TOMM70: variants seen among roughly 807,000 people sequenced by gnomAD.
The protein encoded by TOMM70 is translocase of outer mitochondrial membrane 70.
In TOMM70, 13 loss-of-function variants were observed where a neutral mutation model predicts 73.6. That is an observed-to-expected ratio of 0.18 (90% confidence interval 0.11 to 0.28). TOMM70 has a LOEUF of 0.28. Ranked by LOEUF, TOMM70 falls within the 10% of genes least tolerant of loss-of-function variation. TOMM70 has a pLI of 1.00. For missense variants in TOMM70, 609 were observed against 747.5 expected (o/e 0.81, Z 2.16); for synonymous variants, 257 against 271.2 (o/e 0.95, Z 0.51).
chr3:100,384,822 G>T (rs535230033), intron 3 of TOMM70, among the ~76,000 whole-genome samples: 1 of 152,284 alleles, frequency 6.6e-6, no homozygotes, highest in South Asian at 2.1e-4. Flanking sequence ...ACTGTGAAAT[G>T]AAAGGGGCTA....
At chr3:100,369,498 ATTTT>A (rs11327711) in intron 9 of TOMM70, among the ~76,000 whole-genome samples, 24 of 137,718 alleles carry the variant, frequency 1.7e-4, no homozygotes, top group Admixed American at 2.9e-4. Context: ...GCCCAAGGGA[ATTTT>A]TTTTTTTTTT....
In TOMM70 at chr3:100,376,369, G is replaced by GTTTTTTTTTTTTTTTTTTTTTTTTTTT. The variant is rs141227349; in HGVS notation, c.1093-1218_1093-1217insAAAAAAAAAAAAAAAAAAAAAAAAAAA. Among the ~76,000 whole-genome samples the GTTTTTTTTTTTTTTTTTTTTTTTTTTT allele has an allele frequency of 7.3e-4, 89 of 121,728 alleles. 3 individuals carry two copies. The highest frequency in any genetic ancestry group is 1.2e-3 in the East Asian group (4 of 3,446). 79.9% of individuals were successfully genotyped at this position (121,728 alleles called of 152,430 possible). Reference sequence around the variant, plus strand: ...CTTGATGGTGTCTTTTCACACAGAAGTTTTTTTTTTTTTTTGAGACAGGAT... The same window carrying GTTTTTTTTTTTTTTTTTTTTTTTTTTT: ...CTTGATGGTGTCTTTTCACACAGAAGTTTTTTTTTTTTTTTTTTTTTTTTTTTTTTTTTTTTTTTTTTGAGACAGGAT... On this transcript the variant is annotated intron_variant, in intron 6 of 11. Transcript: ENST00000284320.
At chr3:100,390,770 A>G (rs1706750331) in intron 1 of TOMM70, among the ~76,000 whole-genome samples, 1 of 151,852 alleles carries the variant, frequency 6.6e-6, no homozygotes, top group South Asian at 2.1e-4. Context: ...CAGAGGTTGT[A>G]GTGAGCCAAG....
chr3:100,378,390 C>T (rs1706590096), intron 5 of TOMM70, among the ~76,000 whole-genome samples: 1 of 151,988 alleles, frequency 6.6e-6, no homozygotes, highest in Admixed American at 6.6e-5. Flanking sequence ...TGGGGAGGGG[C>T]GGTGCGGTTA....
Position 100,364,008 on chromosome 3 carries a change from T to C in TOMM70, c.*1556A>G, listed in dbSNP as rs1467361862. ...CTTAAGGGGTGTAAAAATGCTCCTT[T>C]ACTCCCAACAGTGTAAACCATAATT... On this transcript the variant is annotated 3_prime_UTR_variant, in exon 12 of 12. Coordinates refer to ENST00000284320, the MANE Select transcript of TOMM70 (RefSeq NM_014820.5). 1 of 152,198 alleles carries C rather than the reference T, an allele frequency of 6.6e-6. No individual in the cohort carries two copies. The highest frequency in any genetic ancestry group is 1.5e-5 in the Non-Finnish European group (1 of 68,022). 9.4% of individuals were successfully genotyped at this position (152,198 alleles called of 1,614,324 possible). A position where few individuals can be genotyped will look rare whatever the true frequency, so the allele number is the denominator to read the frequency against.
At chr3:100,387,905 A>G (rs1464200430) in intron 1 of TOMM70, among the ~76,000 whole-genome samples, 2 of 152,202 alleles carry the variant, frequency 1.3e-5, no homozygotes, top group Non-Finnish European at 2.9e-5. Flanking sequence ...AAAAGGCTGC[A>G]GTACTTTAAA....
chr3:100,375,721 TA>T (rs1305048359), intron 6 of TOMM70, among the ~76,000 whole-genome samples: 4 of 152,192 alleles, frequency 2.6e-5, no homozygotes, highest in Admixed American at 1.3e-4. Flanking sequence ...ACAAGGTTTT[TA>T]AAAAAGCTTT....
In TOMM70 at chr3:100,400,693, G is replaced by T; in HGVS notation, c.257C>A (p.Pro86Gln). The change falls in exon 1 of 12, where the codon CCG becomes CAG. Residue 86 changes from proline to glutamine, a missense_variant. Pro to Gln is a moderately conservative substitution (Grantham distance 76, BLOSUM62 -1). Around this residue, in one of 2 missense-constraint regions of TOMM70, gnomAD observed 177 missense variants for 163.5 expected, o/e 1.08. Coordinates refer to ENST00000284320, the MANE Select transcript of TOMM70 (RefSeq NM_014820.5). ...GLKRNSERKT[P>Q]EGRASPAPGS... ...CGGGGCCGGACTGGCCCTGCCCTCC[G>T]GGGTCTTCCGTTCGCTGTTGCGCTT... is the stretch of plus-strand genomic sequence containing the variant. The T allele has an allele frequency of 6.2e-7, 1 of 1,611,718 alleles. No homozygotes were observed.
intron 1 of TOMM70, among the ~76,000 whole-genome samples, chr3:100,390,343 A>C (rs957567223): frequency 5.9e-5 from 9 of 152,236 alleles, no homozygotes; most frequent in African/African-American, 2.2e-4. Context: ...GAAAATGTAC[A>C]GTTATACACC....
chr3:100,398,776 C>CTGG (rs1706852534), intron 1 of TOMM70, among the ~76,000 whole-genome samples: 1 of 152,140 alleles, frequency 6.6e-6, no homozygotes, highest in Non-Finnish European at 1.5e-5. Context: ...GGAGAGCCCA[C>CTGG]TATAAAGCTT....
At position 100,365,004 on chromosome 3, in the gene TOMM70, C is replaced by T. The variant is rs1311129328; in HGVS notation, c.*560G>A. The T allele has an allele frequency of 6.6e-6, 1 of 152,604 alleles. No individual in the cohort carries two copies. The highest frequency in any genetic ancestry group is 1.5e-5 in the Non-Finnish European group (1 of 68,314). The allele number at this position is 152,604 out of a possible 1,614,324, so 9.5% of individuals were successfully genotyped here. A position where few individuals can be genotyped will look rare whatever the true frequency, so the allele number is the denominator to read the frequency against. On this transcript the variant is annotated 3_prime_UTR_variant, in exon 12 of 12. Transcript: ENST00000284320. Reference sequence around the variant, plus strand: ...AGGATTAATAAGTGCCACCAAGTTTCTAAAACTGCAGAATCAGAGGCATTG... The same window carrying T: ...AGGATTAATAAGTGCCACCAAGTTTTTAAAACTGCAGAATCAGAGGCATTG...
chr3:100,395,205 T>C (rs1706809182), intron 1 of TOMM70, among the ~76,000 whole-genome samples: 1 of 151,952 alleles, frequency 6.6e-6, no homozygotes, highest in Non-Finnish European at 1.5e-5. Context: ...CTGTCTCTAC[T>C]AAAAATACAA....
chr3:100,400,837 C>T lies in TOMM70; in HGVS notation c.113G>A (p.Arg38Gln). 1 of 1,523,134 alleles carries T rather than the reference C, an allele frequency of 6.6e-7. No individual in the cohort carries two copies. The highest frequency in any genetic ancestry group is 8.7e-7 in the Non-Finnish European group (1 of 1,142,892). The allele number at this position is 1,523,134 out of a possible 1,614,324, so 94.4% of individuals were successfully genotyped here. A position where few individuals can be genotyped will look rare whatever the true frequency, so the allele number is the denominator to read the frequency against. The stretch of plus-strand genomic sequence containing the variant: ...CCCGACCGCCAGAGCCAGCTGCCAT[C>T]GCGGCAGCCCCCCCGTGCCCGGGCC... The part of the protein sequence containing the change: ...TAGPGTGGLP[R>Q]WQLALAVGAP... Residue 38 changes from arginine to glutamine, a missense_variant, in exon 1 of 12, where the codon CGA becomes CAA. Arg to Gln is a conservative substitution (Grantham distance 43). Coordinates refer to ENST00000284320, the MANE Select transcript of TOMM70 (RefSeq NM_014820.5).
At chr3:100,388,598 CCT>C (rs1324357895) in intron 1 of TOMM70, among the ~76,000 whole-genome samples, 1 of 152,078 alleles carries the variant, frequency 6.6e-6, no homozygotes, top group Non-Finnish European at 1.5e-5. Context: ...CCATACCTTG[CCT>C]CTGTTTTTTA....
chr3:100,366,763 T>C lies in TOMM70; in HGVS notation c.1674-1046A>G, dbSNP rs552104514. 1.3e-4 allele frequency among the ~76,000 whole-genome samples: 20 copies of C among 152,360 alleles called. No individual in the cohort carries two copies. In the South Asian group the frequency reaches 4.1e-3, roughly 32 times the overall value. On this transcript the variant is annotated intron_variant, in intron 11 of 11. Coordinates refer to ENST00000284320, the MANE Select transcript of TOMM70 (RefSeq NM_014820.5). ...TCCATCAAACCCTATCAGAGGTCTT[T>C]AGTTAACCCAGGATCTATGAAAGCC...
In TOMM70 at chr3:100,400,728, G is replaced by A; in HGVS notation, c.222C>T (p.Ala74=). The change falls in exon 1 of 12, where the codon GCC becomes GCT. Residue 74 remains alanine (A), a synonymous_variant. Transcript: ENST00000284320. The part of the protein sequence containing the change: ...RRREARGRGD[A]SGLKRNSERK... ...GTTCGCTGTTGCGCTTCAGGCCGCT[G>A]GCGTCGCCCCGGCCTCTGGCCTCCC... 1 of 1,607,500 alleles carries A rather than the reference G, an allele frequency of 6.2e-7. No individual in the cohort carries two copies. The highest frequency in any genetic ancestry group is 8.5e-7 in the Non-Finnish European group (1 of 1,178,502).
chr3:100,386,228 T>G lies in TOMM70; in HGVS notation c.615A>C (p.Glu205Asp). 6.2e-7 allele frequency: 1 copy of G among 1,609,740 alleles called. No individual in the cohort carries two copies. The highest frequency in any genetic ancestry group is 8.5e-7 in the Non-Finnish European group (1 of 1,178,262). Residue 205 changes from glutamate to aspartate, a missense_variant, in exon 3 of 12, where the codon GAA (glutamate) becomes GAC (aspartate). Around this residue, in one of 2 missense-constraint regions of TOMM70, gnomAD observed 432 missense variants for 584.1 expected, o/e 0.74. Coordinates refer to ENST00000284320, the MANE Select transcript of TOMM70 (RefSeq NM_014820.5). ...CAAAATTACCCTCACCTTCTAAACA[T>G]TCCTTCTTATTGTCTAGCTTCTCAT... The part of the protein sequence containing the change: ...KAHEKLDNKK[E>D]CLEDVTAVCI...
At chr3:100,375,859 G>A (rs73150329) in intron 6 of TOMM70, among the ~76,000 whole-genome samples, 27,239 of 152,008 alleles carry the variant, frequency 0.18, 2,850 homozygotes, top group Non-Finnish European at 0.24. Flanking sequence ...TTGTGTTAAC[G>A]AACGTATTAA....
intron 7 of TOMM70, 167 bp from the exon 8 acceptor site, chr3:100,373,812 C>G (rs1288058109): frequency 2.0e-6 from 1 of 497,218 alleles, no homozygotes; most frequent in Non-Finnish European, 3.5e-6. Context: ...ATTTAAAAGG[C>G]AAGATTCCAA....
Sources: allele counts gnomAD v4.1 joint callset (sites outside exome capture counted in the v4.1 genomes callset), GRCh38; gene constraint gnomAD v4.1.1; regional missense constraint gnomAD v4.1.1; transcripts MANE v1.5; gene names NCBI Gene and HGNC (gene_info 2026-07-23, HGNC 2026-07-21).